WWOX: variants seen among roughly 807,000 people sequenced by gnomAD.
WWOX encodes the protein WW domain containing oxidoreductase.
In WWOX, 69 loss-of-function variants were observed where a neutral mutation model predicts 46.2. That is an observed-to-expected ratio of 1.49 (90% CI 1.23 to 1.82). The LOEUF (loss-of-function observed/expected upper bound fraction) is 1.82. Ranked by LOEUF, WWOX falls within the 40% of genes most tolerant of loss-of-function variation. The pLI is 0.00. For missense variants in WWOX, 919 were observed against 542.6 expected, an observed-to-expected ratio of 1.69 and a Z score of -6.89; for synonymous variants, 359 against 202.6, an observed-to-expected ratio of 1.77 and a Z score of -6.56.
chr16:78,316,610 T>C (rs1235331569), intron 5 of WWOX, among the ~76,000 whole-genome samples: 1 of 152,204 alleles, frequency 6.6e-6, no homozygotes, highest in Admixed American at 6.5e-5. Context: ...CCCAAAGTGC[T>C]GGGATTATAG....
In WWOX at chr16:78,293,442, G is replaced by A. The variant is rs373543837; in HGVS notation, c.517-93418G>A. ...GGATAACCTAGCATCATTTCGCTGG[G>A]TTACACATCCTCTCTTCTCTCCTGT... On this transcript the variant is annotated intron_variant, in intron 5 of 8. Transcript: ENST00000566780. 5.3e-4 allele frequency among the ~76,000 whole-genome samples: 81 copies of A among 152,190 alleles called. 1 individual carries two copies. The highest frequency in any genetic ancestry group is 3.4e-3 in the Middle Eastern group (1 of 294).
At chr16:78,870,819 C>T (rs1319574611) in intron 8 of WWOX, among the ~76,000 whole-genome samples, 1 of 152,192 alleles carries the variant, frequency 6.6e-6, no homozygotes, top group African/African-American at 2.4e-5. Context: ...CCAGGGTTGT[C>T]TCGAACTCCT....
Position 78,099,694 on chromosome 16 carries a change from G to A in WWOX, c.-85G>A, listed in dbSNP as rs1176813406. ...GAGCGGTCGGGCCCCGACGCGCGCG[G>A]GTCTCGTTTGGAGCGGGAGTGAGTT... On this transcript the variant is annotated 5_prime_UTR_variant, in exon 1 of 9. Coordinates refer to ENST00000566780, the MANE Select transcript of WWOX (RefSeq NM_016373.4). 9.3e-5 allele frequency: 134 copies of A among 1,447,738 alleles called. No homozygotes were observed. Among genetic ancestry groups the A allele is most frequent in the Non-Finnish European group, 1.2e-4 (133 of 1,099,346 alleles). The allele number at this position is 1,447,738 out of a possible 1,614,324, so 89.7% of individuals were successfully genotyped here. A position where few individuals can be genotyped will look rare whatever the true frequency, so the allele number is the denominator to read the frequency against.
At chr16:79,044,703 C>G (rs1183104186) in intron 8 of WWOX, among the ~76,000 whole-genome samples, 3 of 152,156 alleles carry the variant, frequency 2.0e-5, no homozygotes, top group Admixed American at 6.6e-5. Flanking sequence ...CAAGAATGGC[C>G]TAATACATGG....
intron 1 of WWOX, chr16:78,100,326 C>T (rs2031684661): frequency 2.4e-6 from 2 of 847,940 alleles, no homozygotes; most frequent in Non-Finnish European, 2.9e-6. Flanking sequence ...CATCATAGCC[C>T]ACTGTAGCCT....
At chr16:78,440,030 C>G (rs2083410895) in intron 8 of WWOX, among the ~76,000 whole-genome samples, 1 of 152,158 alleles carries the variant, frequency 6.6e-6, no homozygotes. Context: ...CTGTTTGTAT[C>G]CTAGTTATAA....
intron 8 of WWOX, among the ~76,000 whole-genome samples, chr16:78,937,448 C>CTTTTT (rs537642648): frequency 0.011 from 919 of 81,962 alleles, 97 homozygotes; most frequent in African/African-American, 0.024. Flanking sequence ...TTTGTATTAA[C>CTTTTT]TTTTTTTTTT....
chr16:79,001,957 T>G (rs898002666), intron 8 of WWOX, among the ~76,000 whole-genome samples: 1 of 152,090 alleles, frequency 6.6e-6, no homozygotes, highest in Admixed American at 6.5e-5. Context: ...GATGTAAGCT[T>G]TTATTAAATA....
At chr16:79,024,168 A>G (rs906252749) in intron 8 of WWOX, among the ~76,000 whole-genome samples, 1 of 152,208 alleles carries the variant, frequency 6.6e-6, no homozygotes, top group South Asian at 2.1e-4. Flanking sequence ...ATGGTCTAGA[A>G]TTAGATCGTG....
At chr16:78,472,731 C>T (rs1428641834) in intron 8 of WWOX, among the ~76,000 whole-genome samples, 2 of 149,346 alleles carry the variant, frequency 1.3e-5, no homozygotes, top group African/African-American at 4.9e-5. Flanking sequence ...ATCGCTTGAA[C>T]CCGGGAAGTG....
At chr16:78,635,189 C>T (rs980781812) in intron 8 of WWOX, among the ~76,000 whole-genome samples, 1 of 152,210 alleles carries the variant, frequency 6.6e-6, no homozygotes, top group African/African-American at 2.4e-5. Flanking sequence ...CTTCCTGACT[C>T]AGGATTTGCT....
intron 8 of WWOX, among the ~76,000 whole-genome samples, chr16:79,025,175 T>A (rs981099133): frequency 6.6e-6 from 1 of 152,146 alleles, no homozygotes; most frequent in African/African-American, 2.4e-5. Flanking sequence ...GGTTCCCCTG[T>A]GTCGGACTTG....
At chr16:78,564,668 C>A (rs185660209) in intron 8 of WWOX, among the ~76,000 whole-genome samples, 1 of 152,094 alleles carries the variant, frequency 6.6e-6, no homozygotes, top group African/African-American at 2.4e-5. Flanking sequence ...TCTGGCCACT[C>A]GGGAGCTCAA....
At chr16:78,255,414 C>T (rs1324451077) in intron 5 of WWOX, among the ~76,000 whole-genome samples, 3 of 152,144 alleles carry the variant, frequency 2.0e-5, no homozygotes, top group Non-Finnish European at 4.4e-5. Context: ...ATGTAAATTC[C>T]GCTGGATAAA....
intron 8 of WWOX, among the ~76,000 whole-genome samples, chr16:78,781,273 C>G (rs1162136867): frequency 6.6e-6 from 1 of 152,058 alleles, no homozygotes; most frequent in Non-Finnish European, 1.5e-5. Context: ...ATAAATAGAG[C>G]TATTTTGGAA....
At chr16:79,027,290 A>AAG (rs1382821930) in intron 8 of WWOX, among the ~76,000 whole-genome samples, 1 of 151,028 alleles carries the variant, frequency 6.6e-6, no homozygotes, top group Non-Finnish European at 1.5e-5. Context: ...AAAAAAAAAA[A>AAG]AAAAGGTAGA....
chr16:78,817,430 C>G (rs1005926809), intron 8 of WWOX, among the ~76,000 whole-genome samples: 6 of 152,108 alleles, frequency 3.9e-5, no homozygotes, highest in African/African-American at 1.4e-4. Flanking sequence ...CTTCAGCTAC[C>G]AACAATCATA....
intron 5 of WWOX, among the ~76,000 whole-genome samples, chr16:78,386,167 A>G (rs930034295): frequency 6.6e-6 from 1 of 152,138 alleles, no homozygotes; most frequent in African/African-American, 2.4e-5. Context: ...AATGGAGAAA[A>G]CATTGTCTTT....
chr16:79,098,731 G>C (rs2049129165), intron 8 of WWOX, among the ~76,000 whole-genome samples: 1 of 152,176 alleles, frequency 6.6e-6, no homozygotes, highest in Non-Finnish European at 1.5e-5. Context: ...AGTAGAGGCA[G>C]GTAATAACCC....
Sources: allele counts gnomAD v4.1 joint callset (sites outside exome capture counted in the v4.1 genomes callset), GRCh38; gene constraint gnomAD v4.1.1; transcripts MANE v1.5; gene names NCBI Gene and HGNC (gene_info 2026-07-23, HGNC 2026-07-21).